Variants in MGAT4A observed in about 807,000 individuals in gnomAD.
The protein encoded by MGAT4A is N-acetylglucosaminyltransferase IVa.
MGAT4A carries 33 observed loss-of-function variants against 74.1 expected under a neutral mutation model. That is an observed-to-expected ratio of 0.45 (90% CI 0.34 to 0.60). The LOEUF (loss-of-function observed/expected upper bound fraction) is 0.60, where lower values mean the gene tolerates loss of function less well. MGAT4A is among the 20% of genes least tolerant of loss of function. The pLI, the probability that MGAT4A is intolerant of heterozygous loss-of-function variation, is 0.02. For synonymous variants in MGAT4A, 198 were observed against 210.4 expected, an observed-to-expected ratio of 0.94 and a Z score of 0.51; for missense variants, 479 against 628.3, an observed-to-expected ratio of 0.76 and a Z score of 2.54.
At chr2:98,650,989 A>G (rs1373000551) in intron 8 of MGAT4A, among the ~76,000 whole-genome samples, 1 of 151,888 alleles carries the variant, frequency 6.6e-6, no homozygotes, top group African/African-American at 2.4e-5. Context: ...GGCTGGGCGC[A>G]GCAAGGTGGA....
intron 5 of MGAT4A, among the ~76,000 whole-genome samples, chr2:98,660,439 C>T (rs889973819): frequency 2.7e-5 from 4 of 149,258 alleles, no homozygotes; most frequent in Admixed American, 6.6e-5. Context: ...CACACACACA[C>T]ACACACACAC....
intron 6 of MGAT4A, among the ~76,000 whole-genome samples, chr2:98,657,602 CTTTTCT>C (rs1005054868): frequency 2.2e-4 from 34 of 151,958 alleles, no homozygotes; most frequent in African/African-American, 7.7e-4. Context: ...TCTTTTTTGT[CTTTTCT>C]TTTTAAGTAG....
Position 98,663,473 on chromosome 2 carries a change from T to G in MGAT4A, c.404-294A>C, listed in dbSNP as rs1216964009. On this transcript the variant is annotated intron_variant, in intron 4 of 15. Coordinates refer to ENST00000393487, the MANE Select transcript of MGAT4A (RefSeq NM_012214.3). ...TAAACAGCAAACTGTATTTTACAAC[T>G]AAAACTTAAAAACACTAAACATATC... The G allele has an allele frequency of 2.1e-6, 3 of 1,433,410 alleles. No individual in the cohort carries two copies. The East Asian group carries it at 7.6e-5, about 36-fold the overall frequency. 88.8% of individuals were successfully genotyped at this position (1,433,410 alleles called of 1,614,324 possible). A position where few individuals can be genotyped will look rare whatever the true frequency, so the allele number is the denominator to read the frequency against.
At chr2:98,641,106 T>C (rs1701401258) in intron 10 of MGAT4A, among the ~76,000 whole-genome samples, 1 of 152,184 alleles carries the variant, frequency 6.6e-6, no homozygotes, top group Non-Finnish European at 1.5e-5. Context: ...TGCATGGGCC[T>C]GGCGTGTGAA....
Position 98,624,453 on chromosome 2 carries a change from T to G in MGAT4A, c.*1113A>C. ...ACAGTCTCTTGGACACGGGACTCAC[T>G]TATCAGTTCATACTACAATAAAATC... On this transcript the variant is annotated 3_prime_UTR_variant, in exon 16 of 16. Coordinates refer to ENST00000393487, the MANE Select transcript of MGAT4A (RefSeq NM_012214.3). 4.1e-6 allele frequency: 4 copies of G among 968,226 alleles called. No individual in the cohort carries two copies. 60.0% of individuals were successfully genotyped at this position (968,226 alleles called of 1,614,324 possible).
At chr2:98,636,487 G>A (rs1214608886) in intron 13 of MGAT4A, 30 bp downstream of exon 13, 1 of 1,532,400 alleles carries the variant, frequency 6.5e-7, no homozygotes, top group East Asian at 2.3e-5. Flanking sequence ...TTAGTTGTTA[G>A]GGAAAGGTAA....
rs372945244 is a variant in MGAT4A, at chr2:98,717,270, C to G, written c.94+8969G>C. On this transcript the variant is annotated intron_variant, in intron 2 of 15. Transcript: ENST00000393487. ...AGAGGGCACCTGTAATCTCAGCTAC[C>G]AGGGAGGCCGAGATAGGAGAATCGC... Among the ~76,000 whole-genome samples the G allele has an allele frequency of 2.9e-4, 44 of 151,714 alleles. 1 individual carries two copies. The South Asian group carries it at 9.2e-3, about 32-fold the overall frequency.
intron 2 of MGAT4A, chr2:98,694,851 C>T (rs1245438388): frequency 6.5e-6 from 1 of 153,068 alleles, no homozygotes; most frequent in Non-Finnish European, 1.5e-5. Flanking sequence ...AACAAACAAA[C>T]AAAAAACACA....
At chr2:98,721,983 A>G (rs1383582410) in intron 2 of MGAT4A, among the ~76,000 whole-genome samples, 1 of 152,228 alleles carries the variant, frequency 6.6e-6, no homozygotes, top group Admixed American at 6.5e-5. Flanking sequence ...AGCATGATCC[A>G]ATTATATGTT....
chr2:98,647,476 T>C (rs963761071), intron 8 of MGAT4A, among the ~76,000 whole-genome samples: 3 of 152,014 alleles, frequency 2.0e-5, no homozygotes, highest in Admixed American at 2.0e-4. Flanking sequence ...CCACCACGCC[T>C]AGCTAATTTT....
chr2:98,698,593 A>G (rs927827143), intron 2 of MGAT4A, among the ~76,000 whole-genome samples: 1 of 152,016 alleles, frequency 6.6e-6, no homozygotes, highest in African/African-American at 2.4e-5. Context: ...TTTCCCCTTC[A>G]TTATCCTCTG....
chr2:98,636,233 T>C (rs1378601788), intron 13 of MGAT4A, among the ~76,000 whole-genome samples: 1 of 151,936 alleles, frequency 6.6e-6, no homozygotes. Flanking sequence ...CCTCAAATGA[T>C]CCACCCATCT....
chr2:98,682,562 AC>A (rs1387191299), intron 2 of MGAT4A, among the ~76,000 whole-genome samples: 15 of 151,952 alleles, frequency 9.9e-5, no homozygotes, highest in Admixed American at 2.0e-4. Context: ...ATCTCAAAAT[AC>A]CTCCCCACAA....
intron 2 of MGAT4A, among the ~76,000 whole-genome samples, chr2:98,723,152 A>G (rs1702704239): frequency 6.6e-6 from 1 of 152,170 alleles, no homozygotes; most frequent in Admixed American, 6.5e-5. Context: ...CAGCTCATGT[A>G]TTCTTTCAAG....
At chr2:98,631,887 A>G (rs1208052219) in intron 14 of MGAT4A, among the ~76,000 whole-genome samples, 1 of 151,652 alleles carries the variant, frequency 6.6e-6, no homozygotes, top group Non-Finnish European at 1.5e-5. Context: ...TGGGAGGCCG[A>G]GGCCAGTGGA....
chr2:98,726,222 C>T lies in MGAT4A; in HGVS notation c.94+17G>A, dbSNP rs1293534714. 14 of 1,603,620 alleles carry T rather than the reference C, an allele frequency of 8.7e-6. No homozygotes were observed. The highest frequency in any genetic ancestry group is 6.7e-5 in the African/African-American group (5 of 74,690). ...CCTAGTACATTTCATGCACATTTTC[C>T]GAGTCATTTTCCTTACCTTTCCCAT... On this transcript the variant is annotated intron_variant, in intron 2 of 15. Transcript: ENST00000393487.
intron 6 of MGAT4A, among the ~76,000 whole-genome samples, chr2:98,657,437 T>G (rs1701674966): frequency 6.6e-6 from 1 of 152,196 alleles, no homozygotes; most frequent in African/African-American, 2.4e-5. Context: ...AAATTTTGTT[T>G]CTATAAGGAC....
chr2:98,663,137 T>G lies in MGAT4A; in HGVS notation c.446A>C (p.Lys149Thr). The change falls in exon 5 of 16, where the codon AAA becomes ACA. Residue 149 changes from lysine (K) to threonine (T), a missense_variant. Lys to Thr is a moderately conservative substitution (Grantham distance 78, BLOSUM62 -1). Coordinates refer to ENST00000393487, the MANE Select transcript of MGAT4A (RefSeq NM_012214.3). ...ATGAAGAGTTTCTATGAGGTAAGATTTAACTTCTCTCTTCACTGTGGGAAT... is the reference window on the plus strand; with the variant it reads ...ATGAAGAGTTTCTATGAGGTAAGATGTAACTTCTCTCTTCACTGTGGGAAT... The part of the protein sequence containing the change: ...MGIPTVKREV[K>T]SYLIETLHSL... 6.2e-7 allele frequency: 1 copy of G among 1,603,862 alleles called. No individual in the cohort carries two copies. Among genetic ancestry groups the G allele is most frequent in the Non-Finnish European group, 8.5e-7 (1 of 1,173,740 alleles).
intron 2 of MGAT4A, among the ~76,000 whole-genome samples, chr2:98,679,714 A>C (rs1338260282): frequency 6.6e-6 from 1 of 152,202 alleles, no homozygotes. Context: ...ATTTGAGAGA[A>C]TCACGCGTCA....
Sources: allele counts gnomAD v4.1 joint callset (sites outside exome capture counted in the v4.1 genomes callset), GRCh38; gene constraint gnomAD v4.1.1; transcripts MANE v1.5; gene names NCBI Gene and HGNC (gene_info 2026-07-23, HGNC 2026-07-21).